Variants in AAMDC observed in about 807,000 individuals in gnomAD.
AAMDC encodes the protein mth938 domain-containing protein.
AAMDC carries 16 observed loss-of-function variants against 15.5 expected under a neutral mutation model. That is an observed-to-expected ratio of 1.03 (90% CI 0.70 to 1.57). The LOEUF (loss-of-function observed/expected upper bound fraction) is 1.57, where lower values mean the gene tolerates loss of function less well. Among genes scored for constraint, AAMDC ranks in the 40% most tolerant of loss-of-function variants. AAMDC has a pLI of 0.00. For missense variants in AAMDC, 141 were observed against 144.9 expected (o/e 0.97, Z 0.14); for synonymous variants, 51 against 51.6 (o/e 0.99, Z 0.05).
chr11:77,900,443 G>A (rs1952741152), intron 5 of AAMDC: 1 of 531,582 alleles, frequency 1.9e-6, no homozygotes, highest in Non-Finnish European at 3.3e-6. Flanking sequence ...GACTTTATGA[G>A]GTCACTATCA....
intron 3 of AAMDC, chr11:77,870,092 T>C (rs1048870931): frequency 1.0e-5 from 2 of 194,364 alleles, no homozygotes; most frequent in African/African-American, 4.7e-5. Context: ...AATAATACTT[T>C]ATATCCTCAT....
At chr11:77,833,628 G>T (rs772728173) in intron 1 of AAMDC, among the ~76,000 whole-genome samples, 2 of 152,146 alleles carry the variant, frequency 1.3e-5, no homozygotes, top group African/African-American at 4.8e-5. Flanking sequence ...AGGGGTTGGG[G>T]ACTCCTGCTC....
intron 5 of AAMDC, among the ~76,000 whole-genome samples, chr11:77,898,265 G>A (rs915275432): frequency 6.6e-6 from 1 of 152,162 alleles, no homozygotes; most frequent in Non-Finnish European, 1.5e-5. Flanking sequence ...CTGGGTTCAA[G>A]CAATTTTCTG....
chr11:77,844,197 G>A (rs1208932770), intron 2 of AAMDC, among the ~76,000 whole-genome samples: 1 of 152,088 alleles, frequency 6.6e-6, no homozygotes, highest in Non-Finnish European at 1.5e-5. Flanking sequence ...CTTCTTATAA[G>A]GGCACTAATC....
chr11:77,822,491 A>G (rs1948963094), intron 1 of AAMDC, among the ~76,000 whole-genome samples: 1 of 151,740 alleles, frequency 6.6e-6, no homozygotes, highest in African/African-American at 2.4e-5. Flanking sequence ...CTGTAATTAT[A>G]GAAAGATAAG....
intron 2 of AAMDC, among the ~76,000 whole-genome samples, chr11:77,852,758 T>C (rs956952448): frequency 3.4e-5 from 5 of 147,818 alleles, no homozygotes; most frequent in Non-Finnish European, 7.7e-5. Context: ...ATATAAATAA[T>C]TTTTTTTCTT....
chr11:77,862,935 TGGG>T (rs1313803248), intron 2 of AAMDC, among the ~76,000 whole-genome samples: 1 of 152,148 alleles, frequency 6.6e-6, no homozygotes, highest in Non-Finnish European at 1.5e-5. Context: ...GTTTTTGCCT[TGGG>T]GGGAACGTTT....
At chr11:77,863,146 C>T (rs759972177) in intron 2 of AAMDC, among the ~76,000 whole-genome samples, 3 of 152,070 alleles carry the variant, frequency 2.0e-5, no homozygotes, top group African/African-American at 7.2e-5. Context: ...TATCAGAAGC[C>T]GTGGGTCACG....
intron 5 of AAMDC, among the ~76,000 whole-genome samples, chr11:77,900,287 G>C (rs1456148012): frequency 6.6e-6 from 1 of 152,008 alleles, no homozygotes; most frequent in Non-Finnish European, 1.5e-5. Context: ...TTTTAGTAGA[G>C]ACAGGGTTTC....
chr11:77,835,538 C>CA (rs1253979355), intron 1 of AAMDC, among the ~76,000 whole-genome samples: 1 of 152,206 alleles, frequency 6.6e-6, no homozygotes, highest in Non-Finnish European at 1.5e-5. Context: ...AAAAAAGCAG[C>CA]AGTGACATTT....
At chr11:77,895,272 T>A (rs961137662) in intron 5 of AAMDC, among the ~76,000 whole-genome samples, 1 of 152,106 alleles carries the variant, frequency 6.6e-6, no homozygotes, top group African/African-American at 2.4e-5. Flanking sequence ...ATATTATTCA[T>A]TGGAGGAATA....
intron 5 of AAMDC, among the ~76,000 whole-genome samples, chr11:77,889,327 A>G (rs745628416): frequency 1.1e-4 from 17 of 147,864 alleles, no homozygotes; most frequent in Non-Finnish European, 1.8e-4. Context: ...GTTCTCACTC[A>G]TAGGTGGGAA....
At chr11:77,886,558 T>C (rs1952017032) in intron 5 of AAMDC, among the ~76,000 whole-genome samples, 1 of 152,184 alleles carries the variant, frequency 6.6e-6, no homozygotes, top group South Asian at 2.1e-4. Flanking sequence ...GGTAGCCAAA[T>C]GCCTTGTCAT....
At chr11:77,834,089 T>C (rs1039494492) in intron 1 of AAMDC, among the ~76,000 whole-genome samples, 2 of 152,260 alleles carry the variant, frequency 1.3e-5, no homozygotes, top group Non-Finnish European at 2.9e-5. Context: ...CTGTTTTTTA[T>C]GGTGCTTTAA....
chr11:77,890,409 T>G (rs1374533473), intron 5 of AAMDC, among the ~76,000 whole-genome samples: 5 of 152,094 alleles, frequency 3.3e-5, no homozygotes, highest in African/African-American at 1.2e-4. Context: ...GCATCCCTGC[T>G]TTGACTCATA....
chr11:77,879,145 G>T (rs201190994), intron 5 of AAMDC: 2 of 1,613,482 alleles, frequency 1.2e-6, no homozygotes, highest in African/African-American at 1.3e-5. Flanking sequence ...AAAGATAAAA[G>T]AAATCCTCTA....
chr11:77,872,982 G>A (rs1284418367), downstream of AAMDC, among the ~76,000 whole-genome samples: 2 of 152,124 alleles, frequency 1.3e-5, no homozygotes, highest in Non-Finnish European at 2.9e-5. Flanking sequence ...TAAAATGTTG[G>A]GGCTGGCTAG....
intron 2 of AAMDC, among the ~76,000 whole-genome samples, chr11:77,860,194 T>C (rs910697798): frequency 2.0e-5 from 3 of 152,224 alleles, no homozygotes; most frequent in African/African-American, 7.2e-5. Flanking sequence ...GTTAGGGCCT[T>C]CTTTAGGGCC....
chr11:77,891,395 G>C, intron 5 of AAMDC: 1 of 1,612,974 alleles, frequency 6.2e-7, no homozygotes, highest in East Asian at 2.2e-5. Context: ...CACCAACCCA[G>C]AGGTAAACCG....
Sources: allele counts gnomAD v4.1 joint callset (sites outside exome capture counted in the v4.1 genomes callset), GRCh38; gene constraint gnomAD v4.1.1; transcripts MANE v1.5; gene names NCBI Gene and HGNC (gene_info 2026-07-23, HGNC 2026-07-21).